OPCML: variants seen among roughly 807,000 people sequenced by gnomAD.
OPCML encodes the protein opioid-binding protein/cell adhesion molecule.
Under a neutral mutation model 37.8 loss-of-function variants are expected in OPCML, and 13 were observed. The observed-to-expected ratio is 0.34, with a 90% confidence interval of 0.22 to 0.55. The LOEUF (loss-of-function observed/expected upper bound fraction) is 0.55. OPCML is among the 20% of genes least tolerant of loss of function. The pLI, the probability that OPCML is intolerant of heterozygous loss-of-function variation, is 0.91. For missense variants in OPCML, 341 were observed against 435.6 expected (o/e 0.78, Z 1.93); for synonymous variants, 176 against 168.8 (o/e 1.04, Z -0.33).
chr11:133,209,550 C>T (rs57242650), intron 1 of OPCML, among the ~76,000 whole-genome samples: 5,037 of 152,286 alleles, frequency 0.033, 283 homozygotes, highest in African/African-American at 0.12. Flanking sequence ...GAATATAAAA[C>T]ACTTGATATT....
intron 1 of OPCML, among the ~76,000 whole-genome samples, chr11:133,518,386 A>T (rs56065855): frequency 0.17 from 25,485 of 149,876 alleles, 5,253 homozygotes; most frequent in African/African-American, 0.5. Context: ...GGTGTGTGTA[A>T]ATAAGTGTGT....
At chr11:133,041,327 C>T (rs1201556056) in intron 1 of OPCML, among the ~76,000 whole-genome samples, 1 of 152,196 alleles carries the variant, frequency 6.6e-6, no homozygotes, top group Admixed American at 6.5e-5. Flanking sequence ...TCGGTGATGG[C>T]ATCATGTTAT....
intron 2 of OPCML, among the ~76,000 whole-genome samples, chr11:132,687,407 T>TACATATATACATATATACATATAC (rs1943209890): frequency 1.6e-4 from 16 of 97,526 alleles, no homozygotes; most frequent in African/African-American, 8.5e-4. Flanking sequence ...TATATATATA[T>TACATATATACATATATACATATAC]ATATATATAT....
At chr11:133,028,872 A>G (rs1947614095) in intron 1 of OPCML, among the ~76,000 whole-genome samples, 1 of 146,754 alleles carries the variant, frequency 6.8e-6, no homozygotes, top group Non-Finnish European at 1.5e-5. Flanking sequence ...ACCTAATTAA[A>G]CTAAAGTGTT....
At chr11:132,518,501 C>G (rs1236109959) in intron 4 of OPCML, among the ~76,000 whole-genome samples, 1 of 152,194 alleles carries the variant, frequency 6.6e-6, no homozygotes, top group Non-Finnish European at 1.5e-5. Flanking sequence ...CTCTTTTTAA[C>G]TTGAAGAGCC....
chr11:133,091,233 T>C (rs538137179), intron 1 of OPCML, among the ~76,000 whole-genome samples: 1 of 152,286 alleles, frequency 6.6e-6, no homozygotes, highest in Admixed American at 6.5e-5. Context: ...TCACGAGCTG[T>C]GAGGGCATGG....
At chr11:132,958,474 G>T (rs1946015845) in intron 1 of OPCML, among the ~76,000 whole-genome samples, 1 of 152,312 alleles carries the variant, frequency 6.6e-6, no homozygotes, top group Admixed American at 6.5e-5. Flanking sequence ...ATTGATGAAG[G>T]TGGCTACACT....
At chr11:132,764,457 G>A (rs964879500) in intron 2 of OPCML, among the ~76,000 whole-genome samples, 1 of 152,188 alleles carries the variant, frequency 6.6e-6, no homozygotes, top group African/African-American at 2.4e-5. Flanking sequence ...GAGAAGACCT[G>A]GTTTTAGACG....
chr11:133,002,436 C>G (rs998526487), intron 1 of OPCML, among the ~76,000 whole-genome samples: 4 of 152,170 alleles, frequency 2.6e-5, no homozygotes, highest in Admixed American at 2.6e-4. Context: ...GTGTTTGAAT[C>G]CTGTCTCACC....
chr11:133,474,048 G>A (rs995825438), intron 1 of OPCML, among the ~76,000 whole-genome samples: 5 of 152,178 alleles, frequency 3.3e-5, no homozygotes, highest in Non-Finnish European at 7.3e-5. Context: ...TTGGTACATA[G>A]AAGACCCCAT....
chr11:132,631,327 TA>T (rs1275821486), intron 3 of OPCML, among the ~76,000 whole-genome samples: 1 of 133,040 alleles, frequency 7.5e-6, no homozygotes, highest in East Asian at 2.0e-4. Flanking sequence ...ACTTAAATGT[TA>T]AAAGAAAAAA....
At chr11:133,431,309 A>G (rs1195230838) in intron 1 of OPCML, among the ~76,000 whole-genome samples, 2 of 152,224 alleles carry the variant, frequency 1.3e-5, no homozygotes, top group Non-Finnish European at 2.9e-5. Flanking sequence ...ATGCAAAACT[A>G]TATGTATTGT....
chr11:132,513,918 C>A lies in OPCML; in HGVS notation c.505+15143G>T, dbSNP rs149458888. 5.6e-3 allele frequency among the ~76,000 whole-genome samples: 855 copies of A among 152,276 alleles called. 11 individuals carry two copies. The highest frequency in any genetic ancestry group is 0.02 in the African/African-American group (815 of 41,568). On this transcript the variant is annotated intron_variant, in intron 4 of 7. Transcript: ENST00000524381. ...GAAAACTATAATTTTATTTATTCTTCTGTTTCAAACACAGTACATAACACG... is the reference window on the plus strand; with the variant it reads ...GAAAACTATAATTTTATTTATTCTTATGTTTCAAACACAGTACATAACACG...
intron 1 of OPCML, among the ~76,000 whole-genome samples, chr11:133,128,875 C>T (rs775944593): frequency 6.6e-5 from 10 of 152,208 alleles, no homozygotes; most frequent in South Asian, 2.1e-4. Flanking sequence ...CTCTGTAGCC[C>T]GGGCTTCTGC....
intron 1 of OPCML, among the ~76,000 whole-genome samples, chr11:133,031,513 A>G (rs1292690580): frequency 2.8e-5 from 4 of 144,114 alleles, no homozygotes; most frequent in East Asian, 2.2e-4. Context: ...TTGGATGGGT[A>G]GGTGAATGGA....
chr11:132,435,862 A>G (rs2096011243), intron 7 of OPCML, among the ~76,000 whole-genome samples: 1 of 152,236 alleles, frequency 6.6e-6, no homozygotes, highest in Non-Finnish European at 1.5e-5. Flanking sequence ...TGCTATTGTA[A>G]GGGCAAACTT....
chr11:132,654,990 G>A (rs1941633840), intron 3 of OPCML, among the ~76,000 whole-genome samples: 2 of 152,196 alleles, frequency 1.3e-5, no homozygotes, highest in Non-Finnish European at 2.9e-5. Flanking sequence ...CTGAAGCTTG[G>A]AGGTCCACAG....
At chr11:132,533,175 G>T (rs996163708) in intron 3 of OPCML, among the ~76,000 whole-genome samples, 1 of 152,168 alleles carries the variant, frequency 6.6e-6, no homozygotes, top group Admixed American at 6.5e-5. Flanking sequence ...CTGTGCAGAC[G>T]CTATTGAGCC....
intron 1 of OPCML, among the ~76,000 whole-genome samples, chr11:133,495,282 G>C (rs1262592165): frequency 6.6e-6 from 1 of 152,096 alleles, no homozygotes; most frequent in African/African-American, 2.4e-5. Flanking sequence ...ATATACCACA[G>C]TTTCTTTATC....
Sources: gnomAD v4.1 joint callset for allele counts (sites outside exome capture counted in the v4.1 genomes callset) on GRCh38, gnomAD v4.1.1 for gene constraint, MANE v1.5 for transcripts, NCBI Gene and HGNC (gene_info 2026-07-23, HGNC 2026-07-21) for gene names.